The following IFIH1 variants were observed in gnomAD, a reference collection of about 807,000 sequenced individuals.
The protein encoded by IFIH1 is interferon-induced helicase C domain-containing protein 1.
IFIH1 carries 125 observed loss-of-function variants against 107.4 expected under a neutral mutation model. The observed-to-expected ratio is 1.16, with a 90% confidence interval of 1.01 to 1.35. The LOEUF (loss-of-function observed/expected upper bound fraction) is 1.35. Ranked by LOEUF, IFIH1 falls within the 40% of genes most tolerant of loss-of-function variation. The pLI, the probability that IFIH1 is intolerant of heterozygous loss-of-function variation, is 0.00. For missense variants in IFIH1, 1,333 were observed against 1,213.7 expected (o/e 1.10, Z -1.46); for synonymous variants, 458 against 413.2 (o/e 1.11, Z -1.31).
chr2:162,276,449 A>T (rs1044531842), intron 11 of IFIH1, among the ~76,000 whole-genome samples: 3 of 152,066 alleles, frequency 2.0e-5, no homozygotes, highest in Non-Finnish European at 4.4e-5. Context: ...CAAAAAAGAT[A>T]AAAAAATTAG....
At chr2:162,299,607 C>T (rs1315376399) in intron 3 of IFIH1, among the ~76,000 whole-genome samples, 3 of 152,056 alleles carry the variant, frequency 2.0e-5, no homozygotes, top group Non-Finnish European at 2.9e-5. Flanking sequence ...CCAGTTCCAG[C>T]GCTCTGCTAG....
chr2:162,283,552 C>A (rs975373913), intron 5 of IFIH1, among the ~76,000 whole-genome samples: 4 of 151,966 alleles, frequency 2.6e-5, no homozygotes, highest in Admixed American at 1.3e-4. Flanking sequence ...AGAGAGTTGG[C>A]AGGAAGAGTT....
chr2:162,285,175 G>A (rs952848712), intron 5 of IFIH1, among the ~76,000 whole-genome samples: 2 of 151,932 alleles, frequency 1.3e-5, no homozygotes, highest in Non-Finnish European at 2.9e-5. Flanking sequence ...CACTTCTGCT[G>A]AATCATATGG....
intron 5 of IFIH1, among the ~76,000 whole-genome samples, chr2:162,285,158 T>A (rs986956769): frequency 2.0e-5 from 3 of 151,974 alleles, no homozygotes; most frequent in African/African-American, 7.2e-5. Flanking sequence ...CAAACCCAAC[T>A]GCTACCCACT....
intron 3 of IFIH1, among the ~76,000 whole-genome samples, 196 bp downstream of exon 3, chr2:162,306,513 T>A (rs566677256): frequency 6.6e-6 from 1 of 152,332 alleles, no homozygotes; most frequent in South Asian, 2.1e-4. Context: ...TTATAACACA[T>A]CGATATTGGA....
At chr2:162,297,119 C>T (rs1683104565) in intron 3 of IFIH1, among the ~76,000 whole-genome samples, 1 of 151,986 alleles carries the variant, frequency 6.6e-6, no homozygotes, top group East Asian at 1.9e-4. Flanking sequence ...GATCTTCCTC[C>T]TGCATTCACT....
chr2:162,298,313 A>C (rs903164647), intron 3 of IFIH1, among the ~76,000 whole-genome samples: 5 of 152,166 alleles, frequency 3.3e-5, no homozygotes, highest in Non-Finnish European at 5.9e-5. Context: ...CCCTGGCTTC[A>C]GTCTGCCACA....
intron 1 of IFIH1, among the ~76,000 whole-genome samples, chr2:162,311,751 G>A (rs557757113): frequency 2.1e-4 from 32 of 152,208 alleles, no homozygotes; most frequent in African/African-American, 7.0e-4. Context: ...CATGAAAGAA[G>A]TTAGGCAGGA....
intron 5 of IFIH1, among the ~76,000 whole-genome samples, chr2:162,286,901 A>T (rs1337203498): frequency 6.6e-6 from 1 of 151,948 alleles, no homozygotes; most frequent in Middle Eastern, 3.2e-3. Flanking sequence ...GGTAGTTATT[A>T]TTTTGTTCAT....
At chr2:162,296,074 G>A (rs528825250) in intron 3 of IFIH1, among the ~76,000 whole-genome samples, 2 of 152,076 alleles carry the variant, frequency 1.3e-5, no homozygotes, top group South Asian at 4.1e-4. Context: ...AATTTTCCAA[G>A]TATAATAAAA....
At chr2:162,297,895 C>T (rs961788894) in intron 3 of IFIH1, among the ~76,000 whole-genome samples, 2 of 151,942 alleles carry the variant, frequency 1.3e-5, no homozygotes, top group Non-Finnish European at 2.9e-5. Flanking sequence ...AAAAAAAAAG[C>T]CTTATTTTGC....
At chr2:162,300,113 A>T (rs2105220403) in intron 3 of IFIH1, among the ~76,000 whole-genome samples, 1 of 152,152 alleles carries the variant, frequency 6.6e-6, no homozygotes, top group East Asian at 1.9e-4. Flanking sequence ...TTCTTTGTGG[A>T]GGCATGTCAC....
chr2:162,317,960 T>G lies in IFIH1; in HGVS notation c.348A>C (p.Gln116His). The G allele has an allele frequency of 6.2e-7, 1 of 1,614,126 alleles. No homozygotes were observed. The highest frequency in any genetic ancestry group is 1.1e-5 in the South Asian group (1 of 91,078). Residue 116 changes from glutamine (Q) to histidine (H), a missense_variant, in exon 1 of 16, where the codon CAA becomes CAC. Coordinates refer to ENST00000649979, the MANE Select transcript of IFIH1 (RefSeq NM_022168.4). ...SFENAHDEYLQLLNLLQPTLV... is the reference protein window; with the variant it reads ...SFENAHDEYLHLLNLLQPTLV... The stretch of plus-strand genomic sequence containing the variant: ...GAGTGGGCTGAAGGAGGTTCAGCAG[T>G]TGGAGATATTCATCATGAGCGTTCT...
At position 162,318,185 on chromosome 2, in the gene IFIH1, C is replaced by A; in HGVS notation, c.123G>T (p.Glu41Asp). The A allele has an allele frequency of 6.2e-7, 1 of 1,614,226 alleles. No homozygotes were observed. Among genetic ancestry groups the A allele is most frequent in the Non-Finnish European group, 8.5e-7 (1 of 1,180,032 alleles). Residue 41 changes from glutamate to aspartate, a missense_variant, in exon 1 of 16, where the codon GAG becomes GAT. Glu to Asp is a conservative substitution (Grantham distance 45, BLOSUM62 2). Transcript: ENST00000649979. ...CTGTCCTCTGAATCTGCTCCTTCAC[C>A]TCTGCAGGCAGAAAGGTCAGGTAGT... ...VLDYLTFLPA[E>D]VKEQIQRTVA...
rs1160285695 is a variant in IFIH1 at position 162,318,250 on chromosome 2, C to T, written c.58G>A (p.Ala20Thr). Residue 20 changes from alanine to threonine, a missense_variant, in exon 1 of 16, where the codon GCC (alanine) becomes ACC (threonine). Coordinates refer to ENST00000649979, the MANE Select transcript of IFIH1 (RefSeq NM_022168.4). ...NFRYLISCFR[A>T]RVKMYIQVEP... ...ACCTGGATGTACATTTTCACCCTGG[C>T]CCTGAAGCACGAGATGAGATAGCGG... is the stretch of plus-strand genomic sequence containing the variant. The T allele has an allele frequency of 8.7e-6, 14 of 1,614,008 alleles. No homozygotes were observed. The highest frequency in any genetic ancestry group is 1.3e-5 in the African/African-American group (1 of 74,922).
intron 4 of IFIH1, 49 bp downstream of exon 4, chr2:162,293,515 G>T: frequency 1.7e-6 from 2 of 1,155,770 alleles, no homozygotes; most frequent in African/African-American, 1.5e-5. Context: ...TCCACTATAT[G>T]GCGTCTTATT....
At chr2:162,272,651 T>C (rs1691067168) in intron 12 of IFIH1, among the ~76,000 whole-genome samples, 1 of 152,168 alleles carries the variant, frequency 6.6e-6, no homozygotes. Flanking sequence ...TATCATCCTG[T>C]CCAGGCTTTT....
chr2:162,270,810 A>G (rs892385183), intron 13 of IFIH1, among the ~76,000 whole-genome samples: 2 of 152,116 alleles, frequency 1.3e-5, no homozygotes, highest in Admixed American at 1.3e-4. Context: ...TTGATTTGAT[A>G]CTCTAAAATA....
intron 5 of IFIH1, among the ~76,000 whole-genome samples, chr2:162,285,329 G>A (rs1682877890): frequency 6.6e-6 from 1 of 151,970 alleles, no homozygotes; most frequent in African/African-American, 2.4e-5. Context: ...AAGGACGGAG[G>A]AAGGGAGATG....
Sources: gnomAD v4.1 joint callset for allele counts (sites outside exome capture counted in the v4.1 genomes callset) on GRCh38, gnomAD v4.1.1 for gene constraint, MANE v1.5 for transcripts, NCBI Gene and HGNC (gene_info 2026-07-23, HGNC 2026-07-21) for gene names.